The following PKHD1 variants were observed in gnomAD, a reference collection of about 807,000 sequenced individuals.
PKHD1 encodes fibrocystin.
PKHD1 carries 291 observed loss-of-function variants against 412.0 expected under a neutral mutation model. The ratio of observed to expected loss-of-function variants is 0.71; its 90% CI spans 0.64 to 0.78. The LOEUF (loss-of-function observed/expected upper bound fraction) is 0.78. Ranked by LOEUF, PKHD1 falls within the 30% of genes least tolerant of loss-of-function variation. PKHD1 has a pLI of 0.00. For missense variants in PKHD1, 4,825 were observed against 4,950.7 expected (o/e 0.97, Z 0.76); for synonymous variants, 1,777 against 1,821.5 (o/e 0.98, Z 0.62).
chr6:51,906,664 T>C (rs1782149338), intron 40 of PKHD1, among the ~76,000 whole-genome samples: 1 of 152,134 alleles, frequency 6.6e-6, no homozygotes. Flanking sequence ...GCTTTCATCA[T>C]AATACAGCAG....
chr6:51,873,424 A>G (rs1776322119), intron 46 of PKHD1, among the ~76,000 whole-genome samples: 1 of 152,148 alleles, frequency 6.6e-6, no homozygotes, highest in Non-Finnish European at 1.5e-5. Flanking sequence ...GGAGCTGATA[A>G]TGTTCATTTA....
At chr6:51,814,281 G>A (rs147151404) in intron 52 of PKHD1, among the ~76,000 whole-genome samples, 2 of 152,244 alleles carry the variant, frequency 1.3e-5, no homozygotes, top group East Asian at 1.9e-4. Context: ...GTTACTCTAC[G>A]ATTCTCTCAG....
chr6:51,622,736 C>T (rs565355091), intron 66 of PKHD1: 2 of 152,216 alleles, frequency 1.3e-5, no homozygotes, highest in African/African-American at 4.8e-5. Flanking sequence ...TTTTGTGATA[C>T]TCTAGAAATG....
intron 56 of PKHD1, among the ~76,000 whole-genome samples, 186 bp from the exon 57 acceptor site, chr6:51,753,539 A>T (rs1000140039): frequency 1.3e-5 from 2 of 152,112 alleles, no homozygotes; most frequent in Non-Finnish European, 2.9e-5. Context: ...TAACCCATTC[A>T]CTTGTCTCTC....
At chr6:51,793,934 T>C (rs1794155781) in intron 52 of PKHD1, among the ~76,000 whole-genome samples, 3 of 152,222 alleles carry the variant, frequency 2.0e-5, no homozygotes, top group African/African-American at 7.2e-5. Context: ...CTCTAGGTCT[T>C]TGAGGAATCG....
chr6:51,972,856 T>C (rs763034159), intron 35 of PKHD1, among the ~76,000 whole-genome samples: 1 of 152,148 alleles, frequency 6.6e-6, no homozygotes, highest in Non-Finnish European at 1.5e-5. Flanking sequence ...GTAGAGATAA[T>C]TGAATAACAC....
intron 53 of PKHD1, among the ~76,000 whole-genome samples, chr6:51,785,421 T>C (rs971237512): frequency 3.9e-5 from 6 of 152,188 alleles, no homozygotes; most frequent in Non-Finnish European, 5.9e-5. Flanking sequence ...TGTTAAAGAA[T>C]AGATAAATGG....
chr6:51,922,373 A>T (rs959060630), intron 37 of PKHD1, among the ~76,000 whole-genome samples: 5 of 152,214 alleles, frequency 3.3e-5, no homozygotes, highest in Non-Finnish European at 7.3e-5. Flanking sequence ...CCCTACTGGG[A>T]GGTGTCTCCC....
At chr6:51,848,537 A>G (rs1771621422) in intron 49 of PKHD1, among the ~76,000 whole-genome samples, 1 of 152,192 alleles carries the variant, frequency 6.6e-6, no homozygotes, top group Non-Finnish European at 1.5e-5. Flanking sequence ...GCCCCATATC[A>G]CAAAGCAGAA....
rs34656811 is a variant in PKHD1 at position 52,057,424 on chromosome 6, C to CT, written c.1513-446dup. Among the ~76,000 whole-genome samples the CT allele has an allele frequency of 8.5e-3, 1,262 of 147,848 alleles. 6 individuals are homozygous for CT. The highest frequency in any genetic ancestry group is 0.016 in the African/African-American group (651 of 40,562). On this transcript the variant is annotated intron_variant, in intron 16 of 66. Coordinates refer to ENST00000371117, the MANE Select transcript of PKHD1 (RefSeq NM_138694.4). ...TTGCTACTGAGTAAGTTCTATGCAG[C>CT]TTTTTTTTTTTTAGATGGAGTTTCA...
At chr6:51,871,392 AT>A (rs1392206962) in intron 46 of PKHD1, among the ~76,000 whole-genome samples, 5 of 60,914 alleles carry the variant, frequency 8.2e-5, no homozygotes, top group African/African-American at 2.2e-4. Context: ...ATGAATCCCA[AT>A]GGCATTCAGG....
At chr6:51,639,635 C>A (rs989710947) in intron 63 of PKHD1, among the ~76,000 whole-genome samples, 1 of 152,074 alleles carries the variant, frequency 6.6e-6, no homozygotes, top group African/African-American at 2.4e-5. Context: ...AACAGTAGGT[C>A]ATCCATTTAT....
At chr6:51,941,544 C>T (rs187940750) in intron 36 of PKHD1, among the ~76,000 whole-genome samples, 27 of 151,322 alleles carry the variant, frequency 1.8e-4, no homozygotes, top group African/African-American at 5.8e-4. Context: ...CGTGAGCCAC[C>T]GCACCCAGCC....
chr6:51,694,785 G>GTAGTGT (rs1458677031), intron 60 of PKHD1, among the ~76,000 whole-genome samples: 2 of 152,004 alleles, frequency 1.3e-5, no homozygotes, highest in African/African-American at 4.8e-5. Context: ...GGGACTGTGT[G>GTAGTGT]TATAAACAGA....
intron 60 of PKHD1, among the ~76,000 whole-genome samples, chr6:51,671,366 A>G (rs1336100535): frequency 6.6e-6 from 1 of 152,120 alleles, no homozygotes; most frequent in Non-Finnish European, 1.5e-5. Context: ...CGCATTCTTC[A>G]CGTAGTTCTC....
intron 48 of PKHD1, among the ~76,000 whole-genome samples, chr6:51,864,966 G>C (rs1774815716): frequency 6.6e-6 from 1 of 152,060 alleles, no homozygotes; most frequent in Non-Finnish European, 1.5e-5. Context: ...GTTTGGGATA[G>C]ATAAATCCAA....
intron 65 of PKHD1, among the ~76,000 whole-genome samples, 166 bp from the exon 66 acceptor site, chr6:51,627,282 T>C (rs1440226419): frequency 6.6e-6 from 1 of 152,114 alleles, no homozygotes; most frequent in Non-Finnish European, 1.5e-5. Context: ...TAAAATCCTA[T>C]ATACTGACCA....
intron 60 of PKHD1, among the ~76,000 whole-genome samples, chr6:51,685,024 T>C (rs1333543326): frequency 1.3e-5 from 2 of 152,136 alleles, no homozygotes; most frequent in Admixed American, 1.3e-4. Flanking sequence ...ACTATAAAAT[T>C]CTTTTTGCTT....
Position 52,053,083 on chromosome 6 carries a change from G to T in PKHD1, c.2133C>A (p.Asn711Lys). 1 of 1,613,878 alleles carries T rather than the reference G, an allele frequency of 6.2e-7. No individual in the cohort carries two copies. The highest frequency in any genetic ancestry group is 8.5e-7 in the Non-Finnish European group (1 of 1,179,858). ...AGAGAATTTGATGATTACCTGTTAC[G>T]TTTGTGTCTGCAATAATAATTTCAT... ...YVDEIIIADTNVTVSQADSGT... is the reference protein window; with the variant it reads ...YVDEIIIADTKVTVSQADSGT... The change falls in exon 21 of 67, where the codon AAC becomes AAA. Residue 711 changes from asparagine (N) to lysine (K), a missense_variant. Transcript: ENST00000371117.
Sources: gnomAD v4.1 joint callset for allele counts (sites outside exome capture counted in the v4.1 genomes callset) on GRCh38, gnomAD v4.1.1 for gene constraint, MANE v1.5 for transcripts, NCBI Gene and HGNC (gene_info 2026-07-23, HGNC 2026-07-21) for gene names.